LRP1B: variants seen among roughly 807,000 people sequenced by gnomAD.
LRP1B encodes the protein LDL receptor related protein 1B.
A neutral mutation model predicts 556.6 loss-of-function variants in LRP1B; 217 were observed. The observed-to-expected ratio is 0.39, with a 90% CI of 0.35 to 0.44. The LOEUF (loss-of-function observed/expected upper bound fraction) is 0.44. LRP1B is among the 20% of genes least tolerant of loss of function. The probability of loss-of-function intolerance (pLI) is 1.00; values close to 1 mark genes in which losing one functional copy is unlikely to be tolerated. For missense variants in LRP1B, 5,053 were observed against 5,620.8 expected, an observed-to-expected ratio of 0.90 and a Z score of 3.23; for synonymous variants, 2,047 against 1,865.8, an observed-to-expected ratio of 1.10 and a Z score of -2.50.
At chr2:141,549,268 C>T (rs899384747) in intron 2 of LRP1B, among the ~76,000 whole-genome samples, 1 of 152,050 alleles carries the variant, frequency 6.6e-6, no homozygotes, top group Admixed American at 6.6e-5. Flanking sequence ...ATGACGTTAT[C>T]GTGAGGAAAA....
intron 43 of LRP1B, among the ~76,000 whole-genome samples, chr2:140,592,141 G>A (rs1383703031): frequency 2.6e-5 from 4 of 151,788 alleles, no homozygotes; most frequent in African/African-American, 4.8e-5. Flanking sequence ...TATAGTTCAG[G>A]TACTAAATAG....
At chr2:140,693,806 C>T (rs901354068) in intron 41 of LRP1B, among the ~76,000 whole-genome samples, 1 of 152,114 alleles carries the variant, frequency 6.6e-6, no homozygotes, top group Non-Finnish European at 1.5e-5. Context: ...CTCCTAGGTT[C>T]AACTGATTCT....
intron 86 of LRP1B, among the ~76,000 whole-genome samples, chr2:140,258,229 G>A (rs1241296591): frequency 6.6e-6 from 1 of 151,634 alleles, no homozygotes; most frequent in African/African-American, 2.4e-5. Flanking sequence ...TGAAGAATAT[G>A]ACAAAGTGCT....
At chr2:140,908,205 G>T in intron 21 of LRP1B, 128 bp from the exon 22 acceptor site, 1 of 676,634 alleles carries the variant, frequency 1.5e-6, no homozygotes, top group Non-Finnish European at 2.6e-6. Flanking sequence ...AAATCTATTT[G>T]CTTATTATTT....
chr2:140,867,900 T>C (rs2105154842), intron 26 of LRP1B, 66 bp from the exon 27 acceptor site: 3 of 1,436,992 alleles, frequency 2.1e-6, no homozygotes, highest in Non-Finnish European at 1.9e-6. Context: ...GACATAATCA[T>C]GTAACTCAGC....
At chr2:140,837,814 G>C (rs935423161) in intron 31 of LRP1B, among the ~76,000 whole-genome samples, 1 of 150,362 alleles carries the variant, frequency 6.7e-6, no homozygotes, top group Non-Finnish European at 1.5e-5. Flanking sequence ...GAGGGGGGAA[G>C]GATAACATTT....
In LRP1B at chr2:141,398,844, T is replaced by C. The variant is rs1348220506; in HGVS notation, c.343+81552A>G. Among the ~76,000 whole-genome samples, 6 of 152,332 alleles carry C rather than the reference T, an allele frequency of 3.9e-5. No homozygotes were observed. The East Asian group carries it at 1.2e-3, about 29-fold the overall frequency. On this transcript the variant is annotated intron_variant, in intron 3 of 90. Transcript: ENST00000389484. ...CAACAGCTCCAGTTGGATAGGAGAC[T>C]GGCCTTACAAACATTCTTTGTTGAT... is the stretch of plus-strand genomic sequence containing the variant.
chr2:140,247,743 G>GT (rs1229984978), intron 86 of LRP1B, among the ~76,000 whole-genome samples: 1 of 151,566 alleles, frequency 6.6e-6, no homozygotes, highest in South Asian at 2.1e-4. Context: ...GGGAGAAGTT[G>GT]TTTTTCCCAT....
At chr2:142,126,290 G>A (rs1365757046) in intron 1 of LRP1B, among the ~76,000 whole-genome samples, 3 of 150,394 alleles carry the variant, frequency 2.0e-5, no homozygotes, top group African/African-American at 4.9e-5. Context: ...CAGATAAATA[G>A]ACATGTTTAT....
chr2:141,810,093 AAAAAAGAAAGAAAGAAAG>A (rs147008723), intron 2 of LRP1B, among the ~76,000 whole-genome samples, 168 bp downstream of exon 2: 23 of 144,022 alleles, frequency 1.6e-4, no homozygotes, highest in African/African-American at 3.4e-4. Flanking sequence ...GGCTATTTGG[AAAAAAGAAAGAAAGAAAG>A]AAAAAGAAAG....
intron 41 of LRP1B, among the ~76,000 whole-genome samples, chr2:140,606,943 A>G (rs1682889820): frequency 6.6e-6 from 1 of 152,054 alleles, no homozygotes; most frequent in African/African-American, 2.4e-5. Context: ...AAAAAGAAAA[A>G]CAGATGTTAG....
intron 1 of LRP1B, among the ~76,000 whole-genome samples, chr2:141,911,478 C>A (rs1009778454): frequency 6.6e-6 from 1 of 152,154 alleles, no homozygotes; most frequent in African/African-American, 2.4e-5. Context: ...AAGCTCAAAA[C>A]CCAGCCAGTT....
Position 141,764,932 on chromosome 2 carries a change from T to C in LRP1B, c.205+45347A>G, listed in dbSNP as rs564884670. Among the ~76,000 whole-genome samples, 24 of 152,296 alleles carry C rather than the reference T, an allele frequency of 1.6e-4. No homozygotes were observed. The South Asian group carries it at 5.0e-3, about 32-fold the overall frequency. On this transcript the variant is annotated intron_variant, in intron 2 of 90. Coordinates refer to ENST00000389484, the MANE Select transcript of LRP1B (RefSeq NM_018557.3). ...CATACTGTTTGTTTTATCTATAATA[T>C]TATTTTTTAAATTGGTGCCAGAGGA...
intron 15 of LRP1B, among the ~76,000 whole-genome samples, chr2:141,003,542 C>T (rs187573045): frequency 6.6e-5 from 10 of 152,100 alleles, no homozygotes; most frequent in Admixed American, 6.6e-4. Flanking sequence ...ATGAATAAGA[C>T]TCATGAGATC....
intron 6 of LRP1B, among the ~76,000 whole-genome samples, chr2:141,201,186 G>T (rs770535055): frequency 1.3e-5 from 2 of 152,264 alleles, no homozygotes; most frequent in Middle Eastern, 3.4e-3. Context: ...CCATAACACG[G>T]TGCGAAATAA....
intron 61 of LRP1B, among the ~76,000 whole-genome samples, 164 bp downstream of exon 61, chr2:140,457,299 G>A (rs1233027329): frequency 6.6e-6 from 1 of 152,094 alleles, no homozygotes; most frequent in Non-Finnish European, 1.5e-5. Flanking sequence ...TGCCTTAAGA[G>A]CAGTACTTCA....
At chr2:140,631,168 A>G (rs1683868690) in intron 41 of LRP1B, among the ~76,000 whole-genome samples, 1 of 152,016 alleles carries the variant, frequency 6.6e-6, no homozygotes, top group Non-Finnish European at 1.5e-5. Context: ...ACATAATCCA[A>G]CTCCTTGCCA....
intron 23 of LRP1B, among the ~76,000 whole-genome samples, chr2:140,889,241 G>T (rs1020681789): frequency 6.6e-6 from 1 of 152,176 alleles, no homozygotes; most frequent in Admixed American, 6.5e-5. Flanking sequence ...ATAATTGGAA[G>T]TCCAAGAATT....
chr2:140,298,685 CT>C (rs894950764), intron 83 of LRP1B, among the ~76,000 whole-genome samples: 20 of 152,124 alleles, frequency 1.3e-4, no homozygotes, highest in African/African-American at 4.6e-4. Context: ...GACTATTTTT[CT>C]TTATTTACTC....
Sources: gnomAD v4.1 joint callset for allele counts (sites outside exome capture counted in the v4.1 genomes callset) on GRCh38, gnomAD v4.1.1 for gene constraint, MANE v1.5 for transcripts, NCBI Gene and HGNC (gene_info 2026-07-23, HGNC 2026-07-21) for gene names.